CHMP4C: variants seen among roughly 807,000 people sequenced by gnomAD.
CHMP4C encodes SNF7 homolog associated with Alix 3.
Under a neutral mutation model 29.0 loss-of-function variants are expected in CHMP4C, and 28 were observed. The ratio of observed to expected loss-of-function variants is 0.97; its 90% CI spans 0.72 to 1.32. The LOEUF (loss-of-function observed/expected upper bound fraction) is 1.32. Among genes scored for constraint, CHMP4C ranks in the 40% most tolerant of loss-of-function variants. The pLI is 0.00. For missense variants in CHMP4C, 291 were observed against 281.0 expected, an observed-to-expected ratio of 1.04 and a Z score of -0.25; for synonymous variants, 106 against 102.4, an observed-to-expected ratio of 1.04 and a Z score of -0.21.
intron 1 of CHMP4C, among the ~76,000 whole-genome samples, chr8:81,746,889 TAAA>T (rs1319448636): frequency 6.6e-6 from 1 of 152,218 alleles, no homozygotes; most frequent in Non-Finnish European, 1.5e-5. Context: ...ATGATGATGA[TAAA>T]GATCCCTAAT....
intron 1 of CHMP4C, among the ~76,000 whole-genome samples, chr8:81,734,900 T>C (rs1364348809): frequency 6.8e-6 from 1 of 147,882 alleles, no homozygotes; most frequent in Non-Finnish European, 1.5e-5. Flanking sequence ...GCAAATAAGT[T>C]TTTTTTTTTT....
At chr8:81,748,593 A>G (rs1252704790) in intron 1 of CHMP4C, among the ~76,000 whole-genome samples, 2 of 152,208 alleles carry the variant, frequency 1.3e-5, no homozygotes, top group Non-Finnish European at 2.9e-5. Flanking sequence ...GCAACAAGGT[A>G]TGGTAAAAAC....
In CHMP4C at chr8:81,734,124, G is replaced by T. The variant is rs138000572; in HGVS notation, c.190+1308G>T. On this transcript the variant is annotated intron_variant, in intron 1 of 4. Transcript: ENST00000297265. ...TTTGTGTCTGAAAATATTCTGGGAA[G>T]TTATGCAATGGCAATTTCTAAAGAA... Among the ~76,000 whole-genome samples, 396 of 152,332 alleles carry T rather than the reference G, an allele frequency of 2.6e-3. 2 individuals carry two copies. The highest frequency in any genetic ancestry group is 4.9e-3 in the Non-Finnish European group (333 of 68,032).
intron 1 of CHMP4C, among the ~76,000 whole-genome samples, chr8:81,745,780 C>G (rs1011510439): frequency 1.3e-5 from 2 of 152,170 alleles, no homozygotes; most frequent in East Asian, 3.9e-4. Flanking sequence ...CTGGCTGTTT[C>G]TCTACCACAA....
intron 1 of CHMP4C, among the ~76,000 whole-genome samples, chr8:81,734,948 C>T (rs1266132631): frequency 6.6e-6 from 1 of 151,566 alleles, no homozygotes; most frequent in Non-Finnish European, 1.5e-5. Context: ...GGCTGGAGTA[C>T]AGTGGCAGGA....
intron 1 of CHMP4C, among the ~76,000 whole-genome samples, chr8:81,734,364 C>T (rs549722833): frequency 4.9e-4 from 75 of 152,292 alleles, no homozygotes; most frequent in Non-Finnish European, 9.3e-4. Flanking sequence ...GAGTTTCACT[C>T]TTGTTGCCCA....
At chr8:81,738,913 T>C (rs1808725482) in intron 1 of CHMP4C, among the ~76,000 whole-genome samples, 1 of 152,170 alleles carries the variant, frequency 6.6e-6, no homozygotes, top group Non-Finnish European at 1.5e-5. Flanking sequence ...CAATGACTGC[T>C]CCCCACTTTG....
At chr8:81,742,771 C>T (rs1263247084) in intron 1 of CHMP4C, among the ~76,000 whole-genome samples, 1 of 152,006 alleles carries the variant, frequency 6.6e-6, no homozygotes, top group Non-Finnish European at 1.5e-5. Context: ...TAACTCAAAA[C>T]TTCTACTGTA....
intron 1 of CHMP4C, among the ~76,000 whole-genome samples, chr8:81,739,425 G>T (rs576084428): frequency 7.1e-6 from 1 of 140,150 alleles, no homozygotes. Context: ...TTGTGGGGGG[G>T]GGTGGAAAAA....
intron 1 of CHMP4C, among the ~76,000 whole-genome samples, chr8:81,737,733 C>T (rs754581030): frequency 1.2e-4 from 18 of 152,082 alleles, no homozygotes; most frequent in Admixed American, 3.9e-4. Flanking sequence ...ATAATGGCAA[C>T]GATGACATAA....
rs1327943238 is a variant in CHMP4C at position 81,758,916 on chromosome 8, G to T, written c.*372G>T. 1.2e-5 allele frequency: 2 copies of T among 168,628 alleles called. No homozygotes were observed. Among genetic ancestry groups the T allele is most frequent in the Non-Finnish European group, 2.5e-5 (2 of 79,014 alleles). The allele number at this position is 168,628 out of a possible 1,614,324, so 10.4% of individuals were successfully genotyped here. Reference sequence around the variant, plus strand: ...CTTGGGAGGCTGAGTCAGGAGAATCGCTTGAGCCCAGGAGATGGAGGTTGC... The same window carrying T: ...CTTGGGAGGCTGAGTCAGGAGAATCTCTTGAGCCCAGGAGATGGAGGTTGC... On this transcript the variant is annotated 3_prime_UTR_variant, in exon 5 of 5. Transcript: ENST00000297265.
Position 81,758,272 on chromosome 8 carries a change from C to G in CHMP4C, c.614C>G (p.Ser205Cys), listed in dbSNP as rs1808996869. ...CCAAATAGAAAACCAGGCATGTCGT[C>G]CACTGCACGTCGATCCCGAGCAGGT... Reference protein sequence around the residue: ...AQPNRKPGMSSTARRSRAASS... With the variant: ...AQPNRKPGMSCTARRSRAASS... The change falls in exon 4 of 5, where the codon TCC becomes TGC. Residue 205 changes from serine to cysteine, a missense_variant. Transcript: ENST00000297265. 1 of 1,613,898 alleles carries G rather than the reference C, an allele frequency of 6.2e-7. No individual in the cohort carries two copies. The highest frequency in any genetic ancestry group is 8.5e-7 in the Non-Finnish European group (1 of 1,179,946).
chr8:81,740,945 C>A (rs765387408), intron 1 of CHMP4C, among the ~76,000 whole-genome samples: 9 of 152,118 alleles, frequency 5.9e-5, no homozygotes, highest in Non-Finnish European at 1.2e-4. Context: ...CAGTATCCAG[C>A]AACCAAAAGA....
chr8:81,758,269 C>T lies in CHMP4C; in HGVS notation c.611C>T (p.Ser204Leu), dbSNP rs139392484. The stretch of plus-strand genomic sequence containing the variant: ...CAGCCAAATAGAAAACCAGGCATGT[C>T]GTCCACTGCACGTCGATCCCGAGCA... Reference protein sequence around the residue: ...PAQPNRKPGMSSTARRSRAAS... With the variant: ...PAQPNRKPGMLSTARRSRAAS... Residue 204 changes from serine to leucine, a missense_variant, in exon 4 of 5, where the codon TCG becomes TTG. Ser to Leu is a moderately radical substitution (Grantham distance 145). Transcript: ENST00000297265. 3.5e-5 allele frequency: 56 copies of T among 1,613,994 alleles called. No homozygotes were observed. The East Asian group carries it at 8.7e-4, about 25-fold the overall frequency.
At chr8:81,756,926 TG>T (rs1213627076) in intron 3 of CHMP4C, among the ~76,000 whole-genome samples, 7 of 152,136 alleles carry the variant, frequency 4.6e-5, no homozygotes, top group Non-Finnish European at 1.0e-4. Context: ...ACAACTATAT[TG>T]ACTGTGCTAT....
chr8:81,758,178 G>C lies in CHMP4C; in HGVS notation c.520G>C (p.Glu174Gln). ...GGCAGAACTTGAAGAATTGGAACAGGAGGAATTAAATAAGAAGATGACAAA... is the reference window on the plus strand; with the variant it reads ...GGCAGAACTTGAAGAATTGGAACAGCAGGAATTAAATAAGAAGATGACAAA... ...LMAELEELEQ[E>Q]ELNKKMTNIR... The change falls in exon 4 of 5, where the codon GAG (glutamate) becomes CAG (glutamine). Residue 174 changes from glutamate (E) to glutamine (Q), a missense_variant. Coordinates refer to ENST00000297265, the MANE Select transcript of CHMP4C (RefSeq NM_152284.4). The C allele has an allele frequency of 6.2e-7, 1 of 1,613,890 alleles. No individual in the cohort carries two copies.
chr8:81,758,239 C>T lies in CHMP4C; in HGVS notation c.581C>T (p.Pro194Leu). The change falls in exon 4 of 5, where the codon CCA (proline) becomes CTA (leucine). Residue 194 changes from proline (P) to leucine (L), a missense_variant. Physicochemically the swap from Pro to Leu is moderately conservative, Grantham distance 98. Coordinates refer to ENST00000297265, the MANE Select transcript of CHMP4C (RefSeq NM_152284.4). ...CCAAATGTGCCTTCCTCTTCTCTCC[C>T]AGCACAGCCAAATAGAAAACCAGGC... Reference protein sequence around the residue: ...RLPNVPSSSLPAQPNRKPGMS... With the variant: ...RLPNVPSSSLLAQPNRKPGMS... The T allele has an allele frequency of 1.2e-6, 2 of 1,613,994 alleles. No homozygotes were observed. Among genetic ancestry groups the T allele is most frequent in the East Asian group, 2.2e-5 (1 of 44,882 alleles).
intron 1 of CHMP4C, among the ~76,000 whole-genome samples, chr8:81,733,724 A>G (rs1371593745): frequency 6.6e-6 from 1 of 152,214 alleles, no homozygotes; most frequent in East Asian, 1.9e-4. Context: ...TGTGGCACAG[A>G]TAAAAACTCA....
intron 1 of CHMP4C, among the ~76,000 whole-genome samples, chr8:81,736,473 T>C (rs1371941523): frequency 6.6e-6 from 1 of 152,156 alleles, no homozygotes; most frequent in African/African-American, 2.4e-5. Flanking sequence ...ATTCTACATA[T>C]TCTAAATATG....
Sources: allele counts gnomAD v4.1 joint callset (sites outside exome capture counted in the v4.1 genomes callset), GRCh38; gene constraint gnomAD v4.1.1; transcripts MANE v1.5; gene names NCBI Gene and HGNC (gene_info 2026-07-23, HGNC 2026-07-21).